CAMK2D: variants seen among roughly 807,000 people sequenced by gnomAD.
The protein encoded by CAMK2D is calcium/calmodulin-dependent protein kinase type II subunit delta.
A neutral mutation model predicts 84.0 loss-of-function variants in CAMK2D; 37 were observed. The observed-to-expected ratio is 0.44, with a 90% CI of 0.34 to 0.58. The LOEUF is 0.58. CAMK2D is among the 20% of genes least tolerant of loss of function. The pLI is 0.02. For synonymous variants in CAMK2D, 202 were observed against 212.5 expected (o/e 0.95, Z 0.43); for missense variants, 448 against 652.5 (o/e 0.69, Z 3.41).
chr4:113,644,147 A>G (rs887557134), intron 3 of CAMK2D, among the ~76,000 whole-genome samples: 2 of 152,202 alleles, frequency 1.3e-5, no homozygotes, highest in South Asian at 4.1e-4. Flanking sequence ...TGGTATACTC[A>G]GGGTGTTTTG....
intron 3 of CAMK2D, among the ~76,000 whole-genome samples, chr4:113,658,850 G>A (rs1034860773): frequency 2.6e-5 from 4 of 152,170 alleles, no homozygotes; most frequent in African/African-American, 9.7e-5. Context: ...GGGTCCTAGG[G>A]TTCAAGGACC....
intron 2 of CAMK2D, among the ~76,000 whole-genome samples, chr4:113,678,476 T>A (rs1357438616): frequency 6.6e-6 from 1 of 151,482 alleles, no homozygotes; most frequent in Non-Finnish European, 1.5e-5. Context: ...TTTTTTTTAG[T>A]TTTTAAATTT....
chr4:113,586,302 C>T (rs557146896), intron 4 of CAMK2D, among the ~76,000 whole-genome samples: 1 of 152,208 alleles, frequency 6.6e-6, no homozygotes, highest in Non-Finnish European at 1.5e-5. Flanking sequence ...TGGAGGTCAC[C>T]ATATTGGATA....
intron 4 of CAMK2D, among the ~76,000 whole-genome samples, chr4:113,589,990 T>G (rs2098857146): frequency 6.6e-6 from 1 of 152,182 alleles, no homozygotes; most frequent in Non-Finnish European, 1.5e-5. Context: ...CTCTATGATA[T>G]TTTGAATATA....
At chr4:113,735,347 C>T (rs1247381811) in intron 2 of CAMK2D, among the ~76,000 whole-genome samples, 11 of 139,364 alleles carry the variant, frequency 7.9e-5, no homozygotes, top group Middle Eastern at 4.1e-3. Context: ...TGGTGGTGTG[C>T]GCCTGTGGTC....
At chr4:113,750,624 C>T (rs1276167838) in intron 2 of CAMK2D, among the ~76,000 whole-genome samples, 4 of 152,116 alleles carry the variant, frequency 2.6e-5, no homozygotes, top group Non-Finnish European at 2.9e-5. Context: ...CCCAGCAAAG[C>T]GAGTGCTAAA....
At chr4:113,559,748 G>A (rs2098689554) in intron 4 of CAMK2D, among the ~76,000 whole-genome samples, 1 of 152,206 alleles carries the variant, frequency 6.6e-6, no homozygotes, top group South Asian at 2.1e-4. Flanking sequence ...GTTAGCTTTG[G>A]TCATCAGAAA....
intron 2 of CAMK2D, among the ~76,000 whole-genome samples, chr4:113,695,708 C>T (rs1275423596): frequency 1.3e-5 from 2 of 152,118 alleles, no homozygotes; most frequent in Non-Finnish European, 2.9e-5. Flanking sequence ...ACCTGGATCA[C>T]TTCAATAGCC....
chr4:113,659,634 T>G (rs1482896468), intron 3 of CAMK2D, among the ~76,000 whole-genome samples: 1 of 152,158 alleles, frequency 6.6e-6, no homozygotes, highest in Non-Finnish European at 1.5e-5. Flanking sequence ...AAACCAAACC[T>G]GACAACACCT....
In CAMK2D at chr4:113,506,789, G is replaced by C. The variant is rs548067151; in HGVS notation, c.985-1754C>G. On this transcript the variant is annotated intron_variant, in intron 13 of 20. Transcript: ENST00000511664. ...ATTTCTATTTTGGGATATGATACTT[G>C]ACTTTTTTCTAGGATGTGGTTGCCA... is the stretch of plus-strand genomic sequence containing the variant. 5.9e-5 allele frequency among the ~76,000 whole-genome samples: 9 copies of C among 152,230 alleles called. No homozygotes were observed. In the East Asian group the frequency reaches 1.5e-3, roughly 26 times the overall value.
chr4:113,572,794 A>C (rs2098760308), intron 4 of CAMK2D, among the ~76,000 whole-genome samples: 1 of 152,176 alleles, frequency 6.6e-6, no homozygotes, highest in Admixed American at 6.5e-5. Flanking sequence ...AATCAACCTA[A>C]ATGCCCATCA....
intron 2 of CAMK2D, among the ~76,000 whole-genome samples, chr4:113,743,585 T>C (rs902180578): frequency 3.3e-5 from 5 of 152,192 alleles, no homozygotes; most frequent in African/African-American, 4.8e-5. Context: ...ATGTGCTGTT[T>C]TCTCACTCTT....
chr4:113,696,195 G>GACACAC (rs56784441), intron 2 of CAMK2D, among the ~76,000 whole-genome samples: 3,013 of 144,552 alleles, frequency 0.021, 59 homozygotes, highest in East Asian at 0.07. Context: ...CAGACACACA[G>GACACAC]ACACACACAC....
At chr4:113,755,173 TACACACACACACACAC>T in intron 2 of CAMK2D, 1 of 162,644 alleles carries the variant, frequency 6.1e-6, no homozygotes, top group Non-Finnish European at 1.2e-5. Context: ...TACTTAGGGA[TACACACACACACACAC>T]ACACACACAC....
At chr4:113,618,913 T>G (rs1296925732) in intron 3 of CAMK2D, among the ~76,000 whole-genome samples, 1 of 152,198 alleles carries the variant, frequency 6.6e-6, no homozygotes, top group Non-Finnish European at 1.5e-5. Context: ...AACAGTTAGT[T>G]CAGCCTAGGT....
intron 4 of CAMK2D, among the ~76,000 whole-genome samples, chr4:113,602,135 A>G (rs1433801280): frequency 1.3e-5 from 2 of 152,020 alleles, no homozygotes; most frequent in East Asian, 3.9e-4. Flanking sequence ...AGTGACTTCT[A>G]ACTGGGCTAA....
chr4:113,735,289 GAAAAAAAA>G (rs769117708), intron 2 of CAMK2D, among the ~76,000 whole-genome samples: 260 of 44,708 alleles, frequency 5.8e-3, no homozygotes, highest in Non-Finnish European at 9.7e-3. Context: ...ATCTCTACAG[GAAAAAAAA>G]AAAAAAAAAA....
intron 12 of CAMK2D, among the ~76,000 whole-genome samples, chr4:113,512,762 G>A (rs113313224): frequency 0.033 from 4,978 of 152,092 alleles, 110 homozygotes; most frequent in Non-Finnish European, 0.05. Context: ...TAGTAGAGAC[G>A]GGGTTTCACC....
intron 2 of CAMK2D, among the ~76,000 whole-genome samples, chr4:113,744,128 C>A (rs1205242049): frequency 2.0e-5 from 3 of 152,232 alleles, no homozygotes; most frequent in Admixed American, 1.3e-4. Context: ...GCGTGAGCCA[C>A]CACACCCAGC....
Sources: allele counts gnomAD v4.1 joint callset (sites outside exome capture counted in the v4.1 genomes callset), GRCh38; gene constraint gnomAD v4.1.1; transcripts MANE v1.5; gene names NCBI Gene and HGNC (gene_info 2026-07-23, HGNC 2026-07-21).